The following SOX5 variants were observed in gnomAD, a reference collection of about 807,000 sequenced individuals.
SOX5 encodes the protein SRY-box transcription factor 5, also known as transcription factor SOX-5.
In SOX5, 9 loss-of-function variants were observed where a neutral mutation model predicts 92.0. The ratio of observed to expected loss-of-function variants is 0.10; its 90% CI spans 0.06 to 0.17. SOX5 has a LOEUF of 0.17. Ranked by LOEUF, SOX5 falls within the 10% of genes least tolerant of loss-of-function variation. The probability of loss-of-function intolerance (pLI) is 1.00; values close to 1 mark genes in which losing one functional copy is unlikely to be tolerated. For synonymous variants in SOX5, 344 were observed against 336.3 expected (o/e 1.02, Z -0.25); for missense variants, 642 against 944.5 (o/e 0.68, Z 4.20).
chr12:24,100,073 T>C (rs1181082939), intron 4 of SOX5, among the ~76,000 whole-genome samples: 2 of 152,170 alleles, frequency 1.3e-5, no homozygotes, highest in Admixed American at 6.6e-5. Flanking sequence ...GCTCTTCCTT[T>C]AAAATACTTC....
At chr12:23,566,888 G>A (rs779736719) in intron 10 of SOX5, among the ~76,000 whole-genome samples, 1 of 152,158 alleles carries the variant, frequency 6.6e-6, no homozygotes, top group Non-Finnish European at 1.5e-5. Flanking sequence ...TGTGATATTT[G>A]ACAAATTTTA....
chr12:24,436,327 A>C (rs982796511), intron 1 of SOX5, among the ~76,000 whole-genome samples: 4 of 152,234 alleles, frequency 2.6e-5, no homozygotes, highest in Non-Finnish European at 5.9e-5. Context: ...AGAGAATTAA[A>C]GGTGCTACTG....
chr12:23,695,006 G>GCTA (rs1490956152), intron 6 of SOX5, among the ~76,000 whole-genome samples: 1 of 151,740 alleles, frequency 6.6e-6, no homozygotes, highest in African/African-American at 2.4e-5. Context: ...TGTAGTCCTA[G>GCTA]CTACTTGCAA....
At chr12:24,166,452 A>T (rs80332535) in intron 4 of SOX5, among the ~76,000 whole-genome samples, 6,217 of 152,274 alleles carry the variant, frequency 0.041, 159 homozygotes, top group East Asian at 0.073. Flanking sequence ...TGAGATTCTC[A>T]GGAAATATAG....
At chr12:23,536,337 TG>T in intron 14 of SOX5, 115 bp downstream of exon 14, 1 of 792,816 alleles carries the variant, frequency 1.3e-6, no homozygotes, top group Non-Finnish European at 2.1e-6. Flanking sequence ...CTGAAAATAC[TG>T]TGAGCTCAGA....
chr12:24,250,327 G>A (rs1045095975), intron 3 of SOX5, among the ~76,000 whole-genome samples: 3 of 152,126 alleles, frequency 2.0e-5, no homozygotes, highest in African/African-American at 7.2e-5. Flanking sequence ...TTCCAAGCAG[G>A]TCTTATGGAA....
At chr12:24,467,938 T>A (rs540274824) in intron 1 of SOX5, among the ~76,000 whole-genome samples, 58 of 145,978 alleles carry the variant, frequency 4.0e-4, no homozygotes, top group African/African-American at 1.5e-3. Flanking sequence ...AACTAACTAG[T>A]CTGTGTTCTA....
chr12:24,251,342 A>G (rs942391654), intron 3 of SOX5, among the ~76,000 whole-genome samples: 1 of 152,210 alleles, frequency 6.6e-6, no homozygotes, highest in African/African-American at 2.4e-5. Context: ...TTTTACTGAT[A>G]AGATTCAGCA....
intron 2 of SOX5, among the ~76,000 whole-genome samples, chr12:24,284,075 T>C (rs1156708287): frequency 2.0e-5 from 3 of 152,204 alleles, no homozygotes; most frequent in African/African-American, 7.2e-5. Flanking sequence ...CCAGAGGCTA[T>C]GTCAGATAGT....
At chr12:23,716,291 G>T (rs1301069148) in intron 6 of SOX5, among the ~76,000 whole-genome samples, 1 of 151,948 alleles carries the variant, frequency 6.6e-6, no homozygotes, top group African/African-American at 2.4e-5. Context: ...CAGAGGAAAA[G>T]AAAAAAAGAG....
chr12:24,060,350 C>T (rs895470723), intron 4 of SOX5, among the ~76,000 whole-genome samples: 3 of 152,142 alleles, frequency 2.0e-5, no homozygotes, highest in Non-Finnish European at 2.9e-5. Flanking sequence ...TGCACCTATG[C>T]GCTTGTACTG....
At chr12:24,158,921 T>C (rs1300372933) in intron 4 of SOX5, among the ~76,000 whole-genome samples, 1 of 151,924 alleles carries the variant, frequency 6.6e-6, no homozygotes, top group Non-Finnish European at 1.5e-5. Flanking sequence ...ATCAATGAAG[T>C]TGGTTTCTTA....
At chr12:23,939,621 G>A (rs182612097) in intron 1 of SOX5, among the ~76,000 whole-genome samples, 20 of 150,462 alleles carry the variant, frequency 1.3e-4, no homozygotes, top group Non-Finnish European at 2.1e-4. Flanking sequence ...GAGATAATGC[G>A]GAAGGACCTT....
chr12:24,352,840 C>G (rs571540046), intron 2 of SOX5, among the ~76,000 whole-genome samples: 1 of 152,118 alleles, frequency 6.6e-6, no homozygotes. Context: ...ATTGCACACT[C>G]CAGTGGTGAA....
intron 3 of SOX5, among the ~76,000 whole-genome samples, chr12:24,254,683 G>C (rs1363513104): frequency 1.4e-5 from 2 of 147,432 alleles, no homozygotes; most frequent in African/African-American, 5.1e-5. Flanking sequence ...TATAAGTTGG[G>C]GACTGTCCAT....
intron 7 of SOX5, among the ~76,000 whole-genome samples, chr12:23,649,805 A>C (rs962311158): frequency 1.3e-5 from 2 of 152,148 alleles, no homozygotes; most frequent in Non-Finnish European, 2.9e-5. Context: ...ATTCATCTCT[A>C]TACTGTATAA....
chr12:23,614,765 T>C (rs946895401), intron 8 of SOX5, among the ~76,000 whole-genome samples: 2 of 152,202 alleles, frequency 1.3e-5, no homozygotes, highest in Middle Eastern at 3.2e-3. Flanking sequence ...CATCTTTCAT[T>C]TCCATAGCAA....
chr12:23,647,271 G>A (rs920502258), intron 7 of SOX5, among the ~76,000 whole-genome samples: 2 of 152,150 alleles, frequency 1.3e-5, no homozygotes, highest in African/African-American at 4.8e-5. Flanking sequence ...TGAGCTGTGG[G>A]TCTCACTAGT....
At chr12:24,339,930 G>A (rs1261345944) in intron 2 of SOX5, among the ~76,000 whole-genome samples, 2 of 152,218 alleles carry the variant, frequency 1.3e-5, no homozygotes, top group Non-Finnish European at 2.9e-5. Context: ...ATCCCCCCTG[G>A]CTGTAGCCAA....
Sources: allele counts gnomAD v4.1 joint callset (sites outside exome capture counted in the v4.1 genomes callset), GRCh38; gene constraint gnomAD v4.1.1; transcripts MANE v1.5; gene names NCBI Gene and HGNC (gene_info 2026-07-23, HGNC 2026-07-21).